Variants in SCAPER observed in about 807,000 individuals in gnomAD.
SCAPER encodes the protein S phase cyclin A-associated protein in the endoplasmic reticulum.
A neutral mutation model predicts 182.2 loss-of-function variants in SCAPER; 98 were observed. The ratio of observed to expected loss-of-function variants is 0.54; its 90% confidence interval spans 0.46 to 0.64. The LOEUF is 0.64. Ranked by LOEUF, SCAPER falls within the 30% of genes least tolerant of loss-of-function variation. The pLI is 0.00. For missense variants in SCAPER, 1,432 were observed against 1,690.0 expected, an observed-to-expected ratio of 0.85 and a Z score of 2.68; for synonymous variants, 605 against 564.6, an observed-to-expected ratio of 1.07 and a Z score of -1.01.
At chr15:76,889,591 G>T (rs1005039585) in intron 1 of SCAPER, among the ~76,000 whole-genome samples, 4 of 152,298 alleles carry the variant, frequency 2.6e-5, no homozygotes, top group Admixed American at 2.6e-4. Context: ...TTACATAATG[G>T]TAAAGGGATC....
intron 18 of SCAPER, among the ~76,000 whole-genome samples, chr15:76,705,666 G>GA (rs915515348): frequency 5.4e-5 from 8 of 149,484 alleles, no homozygotes; most frequent in African/African-American, 1.7e-4. Context: ...AAATTAAAAA[G>GA]AAAAAAAACA....
At chr15:76,674,666 A>T (rs763739163) in intron 20 of SCAPER, among the ~76,000 whole-genome samples, 1 of 152,204 alleles carries the variant, frequency 6.6e-6, no homozygotes, top group Non-Finnish European at 1.5e-5. Flanking sequence ...TCCCTGAAAA[A>T]ATATGTCACA....
intron 30 of SCAPER, among the ~76,000 whole-genome samples, chr15:76,353,643 A>C (rs2040758080): frequency 6.6e-6 from 1 of 152,262 alleles, no homozygotes. Flanking sequence ...TACAATAGTT[A>C]AAGCCTTAAA....
rs113245223 is a variant in SCAPER at position 76,557,243 on chromosome 15, TA to T, written c.2838+16914del. 2.4e-3 allele frequency among the ~76,000 whole-genome samples: 366 copies of T among 150,250 alleles called. 3 individuals carry two copies. The highest frequency in any genetic ancestry group is 7.4e-3 in the African/African-American group (304 of 41,082). On this transcript the variant is annotated intron_variant, in intron 23 of 31. Transcript: ENST00000563290. ...GTACCAATGCCATTCTTCTCAGAAT[TA>T]AAAAAAAAAATCTATTTTAAAATTC...
chr15:76,439,137 G>A (rs2047393462), intron 25 of SCAPER, among the ~76,000 whole-genome samples: 1 of 151,804 alleles, frequency 6.6e-6, no homozygotes, highest in East Asian at 1.9e-4. Context: ...CCAGGCTAGT[G>A]TGCAGTGGTG....
chr15:76,353,242 G>A lies in SCAPER; in HGVS notation c.4047+707C>T, dbSNP rs571766592. Reference sequence around the variant, plus strand: ...GTCTACTCATCACATGTGTGTCATGGAGCAAAAACACATCTTATGGTGGAA... The same window carrying A: ...GTCTACTCATCACATGTGTGTCATGAAGCAAAAACACATCTTATGGTGGAA... On this transcript the variant is annotated intron_variant, in intron 30 of 31. Transcript: ENST00000563290. Among the ~76,000 whole-genome samples, 148 of 152,238 alleles carry A rather than the reference G, an allele frequency of 9.7e-4. No individual in the cohort carries two copies. The Middle Eastern group carries it at 0.014, about 14-fold the overall frequency.
At chr15:76,854,803 C>CAAAAAAAAAAAAA (rs35484908) in intron 4 of SCAPER, among the ~76,000 whole-genome samples, 1 of 118,376 alleles carries the variant, frequency 8.4e-6, no homozygotes. Context: ...ACTAAAAATA[C>CAAAAAAAAAAAAA]AAAAAAAAAA....
intron 22 of SCAPER, among the ~76,000 whole-genome samples, chr15:76,589,866 C>T (rs942392628): frequency 1.3e-5 from 2 of 152,166 alleles, no homozygotes; most frequent in South Asian, 2.1e-4. Context: ...TCTGCCGTGG[C>T]CTCCTCTACC....
At chr15:76,834,081 TCTA>T (rs1338034335) in intron 5 of SCAPER, among the ~76,000 whole-genome samples, 3 of 152,118 alleles carry the variant, frequency 2.0e-5, no homozygotes, top group African/African-American at 4.8e-5. Context: ...CAGCACATAC[TCTA>T]AGATGAACCA....
At chr15:76,604,859 T>C (rs1177749530) in intron 22 of SCAPER, among the ~76,000 whole-genome samples, 1 of 151,730 alleles carries the variant, frequency 6.6e-6, no homozygotes, top group Admixed American at 6.6e-5. Flanking sequence ...ATGCTTGTGA[T>C]TTTTGCACAT....
chr15:76,349,293 T>C (rs2040380109), intron 31 of SCAPER: 1 of 152,246 alleles, frequency 6.6e-6, no homozygotes, highest in African/African-American at 2.4e-5. Context: ...GAAAACTGTA[T>C]GTAAATGATG....
Position 76,564,100 on chromosome 15 carries a change from C to T in SCAPER, c.2838+10058G>A, listed in dbSNP as rs112001558. Among the ~76,000 whole-genome samples, 316 of 152,132 alleles carry T rather than the reference C, an allele frequency of 2.1e-3. 2 individuals carry two copies. The highest frequency in any genetic ancestry group is 9.1e-3 in the East Asian group (47 of 5,174). ...AGCTGGAAACTTTATCCTTGAAAGC[C>T]GGCACAAGACAAGGATGCCTTCTCT... On this transcript the variant is annotated intron_variant, in intron 23 of 31. Coordinates refer to ENST00000563290, the MANE Select transcript of SCAPER (RefSeq NM_020843.4).
chr15:76,411,536 GTA>G (rs1339081027), intron 26 of SCAPER, among the ~76,000 whole-genome samples: 1 of 152,108 alleles, frequency 6.6e-6, no homozygotes, highest in African/African-American at 2.4e-5. Flanking sequence ...GTTGATGGAT[GTA>G]TATGTTATTT....
At chr15:76,800,990 G>A (rs934825276) in intron 6 of SCAPER, among the ~76,000 whole-genome samples, 4 of 152,122 alleles carry the variant, frequency 2.6e-5, no homozygotes, top group Admixed American at 2.6e-4. Context: ...AACTCCTGTG[G>A]GTATCCCTGT....
intron 24 of SCAPER, among the ~76,000 whole-genome samples, chr15:76,489,002 C>T (rs377160295): frequency 1.3e-5 from 2 of 151,026 alleles, no homozygotes; most frequent in South Asian, 2.1e-4. Flanking sequence ...GGATTACAGG[C>T]GTGAGCCACT....
chr15:76,699,162 G>C (rs1191130365), intron 20 of SCAPER, among the ~76,000 whole-genome samples: 1 of 152,094 alleles, frequency 6.6e-6, no homozygotes, highest in Non-Finnish European at 1.5e-5. Context: ...AGGAGCTCTG[G>C]AGCAGACCCT....
chr15:76,352,858 A>G lies in SCAPER; in HGVS notation c.4047+1091T>C, dbSNP rs115430632. The stretch of plus-strand genomic sequence containing the variant: ...GTAAAATTTTCTTAAGATATTAACT[A>G]TAAGACAGTTTTTGAAATCCATATT... On this transcript the variant is annotated intron_variant, in intron 30 of 31. Transcript: ENST00000563290. 8.3e-3 allele frequency among the ~76,000 whole-genome samples: 1,270 copies of G among 152,346 alleles called. 12 individuals are homozygous for G. The highest frequency in any genetic ancestry group is 0.029 in the African/African-American group (1,203 of 41,576).
At position 76,541,383 on chromosome 15, in the gene SCAPER, A is replaced by G. The variant is rs190417278; in HGVS notation, c.2838+32775T>C. Among the ~76,000 whole-genome samples the G allele has an allele frequency of 2.6e-3, 398 of 152,264 alleles. 2 individuals carry two copies. The highest frequency in any genetic ancestry group is 9.2e-3 in the African/African-American group (383 of 41,560). On this transcript the variant is annotated intron_variant, in intron 23 of 31. Coordinates refer to ENST00000563290, the MANE Select transcript of SCAPER (RefSeq NM_020843.4). The stretch of plus-strand genomic sequence containing the variant: ...TAGCTGAGGAAAATCAATGCAACCA[A>G]TTCAAACATATTGGAGACTTGTATG...
At chr15:76,574,423 C>T in intron 22 of SCAPER, 139 bp from the exon 23 acceptor site, 1 of 873,604 alleles carries the variant, frequency 1.1e-6, no homozygotes. Flanking sequence ...GGAGAAAAAA[C>T]CAGACAACCA....
Sources: allele counts gnomAD v4.1 joint callset (sites outside exome capture counted in the v4.1 genomes callset), GRCh38; gene constraint gnomAD v4.1.1; transcripts MANE v1.5; gene names NCBI Gene and HGNC (gene_info 2026-07-23, HGNC 2026-07-21).